Variants in SLMAP observed in about 807,000 individuals in gnomAD.
The protein encoded by SLMAP is sarcolemma associated protein, also known as sarcolemmal membrane-associated protein.
In SLMAP, 44 loss-of-function variants were observed where a neutral mutation model predicts 128.8. That is an observed-to-expected ratio of 0.34 (90% CI 0.27 to 0.44). SLMAP has a LOEUF of 0.44. Among genes scored for constraint, SLMAP ranks in the 20% least tolerant of loss-of-function variants. The pLI, the probability that SLMAP is intolerant of heterozygous loss-of-function variation, is 1.00. For synonymous variants in SLMAP, 327 were observed against 348.8 expected, an observed-to-expected ratio of 0.94 and a Z score of 0.70; for missense variants, 787 against 985.3, an observed-to-expected ratio of 0.80 and a Z score of 2.69.
At chr3:57,788,398 G>A (rs2084704306) in intron 2 of SLMAP, among the ~76,000 whole-genome samples, 1 of 152,154 alleles carries the variant, frequency 6.6e-6, no homozygotes, top group Non-Finnish European at 1.5e-5. Flanking sequence ...GGGACTTGTA[G>A]AGTGATTCAG....
At chr3:57,818,617 T>C (rs2092183171) in intron 2 of SLMAP, among the ~76,000 whole-genome samples, 1 of 152,240 alleles carries the variant, frequency 6.6e-6, no homozygotes, top group South Asian at 2.1e-4. Flanking sequence ...TGGTACCCTT[T>C]TGTCACTGTA....
intron 2 of SLMAP, among the ~76,000 whole-genome samples, chr3:57,775,505 G>C (rs956978697): frequency 7.2e-5 from 8 of 111,496 alleles, no homozygotes; most frequent in Non-Finnish European, 1.0e-4. Flanking sequence ...AAACCCTGTT[G>C]GTACAAAAAA....
At position 57,849,798 on chromosome 3, in the gene SLMAP, G is replaced by A. The variant is rs762285132; in HGVS notation, c.501G>A (p.Gln167=). Reference sequence around the variant, plus strand: ...GTATGTACTCTCAGGAACTATTCCAGCTTTCTCAGTATCTACAGGTAAAAG... The same window carrying A: ...GTATGTACTCTCAGGAACTATTCCAACTTTCTCAGTATCTACAGGTAAAAG... ...TPSMYSQELF[Q]LSQYLQEALH... is the part of the protein sequence containing the mutation. The change falls in exon 6 of 25, where the codon CAG becomes CAA. Residue 167 remains glutamine, a synonymous_variant. Coordinates refer to ENST00000671191, the MANE Select transcript of SLMAP (RefSeq NM_001377540.1). 6.4e-7 allele frequency: 1 copy of A among 1,565,822 alleles called. No homozygotes were observed. Among genetic ancestry groups the A allele is most frequent in the Admixed American group, 1.7e-5 (1 of 59,952 alleles).
chr3:57,905,129 T>A (rs570046540), intron 17 of SLMAP, among the ~76,000 whole-genome samples: 3 of 152,156 alleles, frequency 2.0e-5, no homozygotes, highest in Non-Finnish European at 4.4e-5. Context: ...GGTGTATAAT[T>A]GCTTCTAGGC....
intron 2 of SLMAP, among the ~76,000 whole-genome samples, chr3:57,793,062 C>A (rs987847184): frequency 6.6e-6 from 1 of 152,070 alleles, no homozygotes; most frequent in South Asian, 2.1e-4. Flanking sequence ...TCACTTGAGT[C>A]CAGGAGGCCG....
At chr3:57,877,253 C>A (rs2095625378) in intron 14 of SLMAP, among the ~76,000 whole-genome samples, 1 of 152,134 alleles carries the variant, frequency 6.6e-6, no homozygotes, top group Non-Finnish European at 1.5e-5. Context: ...TCCCTCCTTT[C>A]TCTTAGGGCT....
At chr3:57,780,271 C>T (rs980261542) in intron 2 of SLMAP, among the ~76,000 whole-genome samples, 1 of 151,872 alleles carries the variant, frequency 6.6e-6, no homozygotes, top group Non-Finnish European at 1.5e-5. Flanking sequence ...CTTGGTCTCC[C>T]GAGTAGCTGG....
chr3:57,814,119 T>C (rs1300358714), intron 2 of SLMAP, among the ~76,000 whole-genome samples: 1 of 151,964 alleles, frequency 6.6e-6, no homozygotes, highest in Admixed American at 6.6e-5. Flanking sequence ...TTTTATTTTT[T>C]CTCCCCGCAA....
At chr3:57,848,796 G>A (rs1477830122) in intron 5 of SLMAP, among the ~76,000 whole-genome samples, 3 of 134,458 alleles carry the variant, frequency 2.2e-5, no homozygotes, top group Non-Finnish European at 3.1e-5. Context: ...TGCAACCTCC[G>A]CCTTCGAGGT....
chr3:57,847,232 A>G lies in SLMAP; in HGVS notation c.455A>G (p.Lys152Arg), dbSNP rs2094299619. 6.2e-7 allele frequency: 1 copy of G among 1,609,094 alleles called. No individual in the cohort carries two copies. Among genetic ancestry groups the G allele is most frequent in the South Asian group, 1.1e-5 (1 of 90,266 alleles). The change falls in exon 5 of 25, where the codon AAA becomes AGA. Residue 152 changes from lysine to arginine, a missense_variant and splice_region_variant. By Grantham distance (26) the Lys-to-Arg change is conservative. Around this residue, in one of 2 missense-constraint regions of SLMAP, gnomAD observed 715 missense variants for 843.6 expected, o/e 0.85. Transcript: ENST00000671191. ...IHAPLPSPVD[K>R]VAANTPSMYS... The stretch of plus-strand genomic sequence containing the variant: ...GCACCATTACCAAGTCCTGTTGACA[A>G]AGTAAGTTGCTAATGATTATTTTTT...
intron 2 of SLMAP, among the ~76,000 whole-genome samples, chr3:57,788,549 G>A (rs979063627): frequency 6.6e-6 from 1 of 152,172 alleles, no homozygotes; most frequent in Non-Finnish European, 1.5e-5. Flanking sequence ...CGCTAGAAAA[G>A]TAGAGGCTGG....
chr3:57,817,626 G>C (rs1271309225), intron 2 of SLMAP, among the ~76,000 whole-genome samples: 3 of 152,170 alleles, frequency 2.0e-5, no homozygotes, highest in Non-Finnish European at 2.9e-5. Context: ...TTGGACTTAT[G>C]TTTTAACTCC....
chr3:57,913,466 A>G (rs1447543696), intron 21 of SLMAP, among the ~76,000 whole-genome samples, 191 bp downstream of exon 21: 2 of 151,954 alleles, frequency 1.3e-5, no homozygotes, highest in Non-Finnish European at 2.9e-5. Flanking sequence ...CACCACCATT[A>G]TCCTACATGT....
intron 2 of SLMAP, among the ~76,000 whole-genome samples, chr3:57,773,536 C>G (rs1005740997): frequency 1.3e-5 from 2 of 152,092 alleles, no homozygotes; most frequent in Non-Finnish European, 2.9e-5. Flanking sequence ...GGGCAAAAAC[C>G]TTTAGGAAAT....
intron 14 of SLMAP, among the ~76,000 whole-genome samples, chr3:57,888,512 G>C (rs925287535): frequency 2.0e-5 from 3 of 151,930 alleles, no homozygotes; most frequent in African/African-American, 7.3e-5. Context: ...AGCTACTTGG[G>C]AGGCCGAGGC....
intron 13 of SLMAP, among the ~76,000 whole-genome samples, chr3:57,868,054 A>G (rs971334743): frequency 1.3e-5 from 2 of 152,098 alleles, no homozygotes; most frequent in African/African-American, 4.8e-5. Context: ...TGTGTCCAGG[A>G]GTTCAAGACC....
intron 14 of SLMAP, among the ~76,000 whole-genome samples, chr3:57,877,140 G>A (rs1005753545): frequency 2.6e-5 from 4 of 151,516 alleles, no homozygotes; most frequent in Non-Finnish European, 5.9e-5. Flanking sequence ...AATATTTTAT[G>A]TCTTACTGTT....
intron 5 of SLMAP, among the ~76,000 whole-genome samples, chr3:57,848,429 T>A (rs1186875255): frequency 6.6e-6 from 1 of 151,498 alleles, no homozygotes; most frequent in Non-Finnish European, 1.5e-5. Context: ...TTCTTCCTTC[T>A]TTTTTCTTCT....
At chr3:57,857,933 A>G in intron 7 of SLMAP, 105 bp downstream of exon 7, 2 of 940,752 alleles carry the variant, frequency 2.1e-6, no homozygotes, top group South Asian at 3.0e-5. Context: ...TTATTTCCTA[A>G]CTAATGAACA....
Sources: gnomAD v4.1 joint callset for allele counts (sites outside exome capture counted in the v4.1 genomes callset) on GRCh38, gnomAD v4.1.1 for gene constraint, gnomAD v4.1.1 regional missense constraint, MANE v1.5 for transcripts, NCBI Gene and HGNC (gene_info 2026-07-23, HGNC 2026-07-21) for gene names.